The following LRRIQ1 variants were observed in gnomAD, a reference collection of about 807,000 sequenced individuals.
LRRIQ1 encodes the protein leucine rich repeats and IQ motif containing 1, also known as leucine-rich repeat- and IQ domain-containing protein 1.
Under a neutral mutation model 211.9 loss-of-function variants are expected in LRRIQ1, and 210 were observed. That is an observed-to-expected ratio of 0.99 (90% CI 0.89 to 1.11). The LOEUF (loss-of-function observed/expected upper bound fraction) is 1.11, where lower values mean the gene tolerates loss of function less well. LRRIQ1 is among the 50% of genes most tolerant of loss of function. LRRIQ1 has a pLI of 0.00. For missense variants in LRRIQ1, 2,136 were observed against 1,939.5 expected (o/e 1.10, Z -1.90); for synonymous variants, 699 against 650.1 (o/e 1.08, Z -1.14).
intron 24 of LRRIQ1, among the ~76,000 whole-genome samples, chr12:85,180,870 G>A (rs1016981822): frequency 1.3e-5 from 2 of 151,728 alleles, no homozygotes; most frequent in African/African-American, 2.4e-5. Flanking sequence ...GTGTGTGTGT[G>A]TTGGGGAAAT....
chr12:85,175,646 GTT>G (rs1417945974), intron 24 of LRRIQ1, among the ~76,000 whole-genome samples: 1 of 152,032 alleles, frequency 6.6e-6, no homozygotes, highest in Non-Finnish European at 1.5e-5. Flanking sequence ...TAGGTCTAAT[GTT>G]TAAGTCTTTA....
At chr12:85,048,085 G>A (rs188008694) in intron 6 of LRRIQ1, 1 of 152,408 alleles carries the variant, frequency 6.6e-6, no homozygotes, top group African/African-American at 2.4e-5. Context: ...CAGGTCATGA[G>A]AACCTTAGAA....
At chr12:85,206,469 G>A (rs1012826805) in intron 24 of LRRIQ1, among the ~76,000 whole-genome samples, 1 of 152,148 alleles carries the variant, frequency 6.6e-6, no homozygotes, top group Non-Finnish European at 1.5e-5. Context: ...GCAGTAAGGG[G>A]TGGGTATGCT....
intron 11 of LRRIQ1, among the ~76,000 whole-genome samples, chr12:85,084,099 C>A (rs1002143494): frequency 2.6e-5 from 4 of 152,034 alleles, no homozygotes; most frequent in Non-Finnish European, 4.4e-5. Flanking sequence ...AATAGATTTT[C>A]ATATTTGTAA....
chr12:85,156,125 A>T (rs942060628), intron 23 of LRRIQ1, among the ~76,000 whole-genome samples: 1 of 151,756 alleles, frequency 6.6e-6, no homozygotes, highest in African/African-American at 2.4e-5. Flanking sequence ...TACTCCAATA[A>T]CATGATTATA....
At chr12:85,044,956 A>G in intron 4 of LRRIQ1, 147 bp downstream of exon 4, 3 of 417,174 alleles carry the variant, frequency 7.2e-6, no homozygotes, top group East Asian at 3.8e-5. Flanking sequence ...CTGTGGTTTT[A>G]TGGTTTCTTC....
intron 1 of LRRIQ1, among the ~76,000 whole-genome samples, chr12:85,262,461 T>G (rs1321501967): frequency 1.3e-5 from 2 of 152,044 alleles, no homozygotes; most frequent in Non-Finnish European, 2.9e-5. Context: ...CTTTCCACTT[T>G]ACCAAAAACT....
intron 11 of LRRIQ1, among the ~76,000 whole-genome samples, chr12:85,096,991 A>G (rs547699573): frequency 6.6e-6 from 1 of 152,088 alleles, no homozygotes; most frequent in Non-Finnish European, 1.5e-5. Context: ...CTGCTCTTCT[A>G]TGTTTTCTCT....
At chr12:85,149,522 C>T (rs1890102396) in intron 19 of LRRIQ1, among the ~76,000 whole-genome samples, 1 of 151,260 alleles carries the variant, frequency 6.6e-6, no homozygotes, top group African/African-American at 2.4e-5. Context: ...GAGTAGAAGG[C>T]TTTATTAAGC....
intron 24 of LRRIQ1, among the ~76,000 whole-genome samples, chr12:85,209,541 T>A (rs1592973813): frequency 1.3e-5 from 2 of 152,282 alleles, no homozygotes; most frequent in Middle Eastern, 3.4e-3. Context: ...CTCTTTATTT[T>A]AAAAAAATGC....
chr12:85,089,267 G>GT (rs2136218345), intron 11 of LRRIQ1, among the ~76,000 whole-genome samples: 2 of 152,254 alleles, frequency 1.3e-5, no homozygotes, highest in East Asian at 3.9e-4. Context: ...TTATAGCAGT[G>GT]TAAGAATGGT....
chr12:85,258,802 T>C (rs1896199600), intron 1 of LRRIQ1, among the ~76,000 whole-genome samples: 1 of 152,022 alleles, frequency 6.6e-6, no homozygotes, highest in African/African-American at 2.4e-5. Context: ...ATAATTTCTA[T>C]ATCCAGACAC....
At chr12:85,078,840 AT>A (rs1883961471) in intron 11 of LRRIQ1, among the ~76,000 whole-genome samples, 1 of 152,046 alleles carries the variant, frequency 6.6e-6, no homozygotes, top group Admixed American at 6.6e-5. Context: ...TCGAAAAAAA[AT>A]TTTTTTACGT....
chr12:85,197,965 T>C (rs1274695746), intron 24 of LRRIQ1, among the ~76,000 whole-genome samples: 3 of 108,204 alleles, frequency 2.8e-5, no homozygotes, highest in African/African-American at 7.5e-5. Context: ...ATATATTATA[T>C]ATAAATATAT....
chr12:85,077,483 G>T (rs1883787716), intron 11 of LRRIQ1, among the ~76,000 whole-genome samples: 1 of 152,072 alleles, frequency 6.6e-6, no homozygotes, highest in South Asian at 2.1e-4. Context: ...TATTTTTGTG[G>T]CTATTGTTTG....
intron 14 of LRRIQ1, among the ~76,000 whole-genome samples, chr12:85,104,331 G>A (rs1261577914): frequency 6.6e-6 from 1 of 151,806 alleles, no homozygotes; most frequent in East Asian, 1.9e-4. Flanking sequence ...TTTTACTTAT[G>A]AAATATATAG....
chr12:85,218,784 C>A (rs1423537942), intron 24 of LRRIQ1, among the ~76,000 whole-genome samples: 1 of 152,018 alleles, frequency 6.6e-6, no homozygotes, highest in Non-Finnish European at 1.5e-5. Context: ...TTAACATTTA[C>A]ATTAATATTT....
chr12:85,097,253 G>A (rs1174382050), intron 11 of LRRIQ1, among the ~76,000 whole-genome samples: 2 of 152,074 alleles, frequency 1.3e-5, no homozygotes, highest in East Asian at 3.9e-4. Flanking sequence ...AGTATGACCG[G>A]GAGGCCCCAG....
intron 11 of LRRIQ1, among the ~76,000 whole-genome samples, chr12:85,096,895 G>A (rs185064178): frequency 6.6e-5 from 10 of 152,200 alleles, no homozygotes; most frequent in Admixed American, 4.6e-4. Flanking sequence ...GGATTAAACC[G>A]TTTATCATTA....
Sources: allele counts gnomAD v4.1 joint callset (sites outside exome capture counted in the v4.1 genomes callset), GRCh38; gene constraint gnomAD v4.1.1; transcripts MANE v1.5; gene names NCBI Gene and HGNC (gene_info 2026-07-23, HGNC 2026-07-21).